RB1CC1: variants seen among roughly 807,000 people sequenced by gnomAD.
The protein encoded by RB1CC1 is RB1 inducible coiled-coil 1, also known as RB1-inducible coiled-coil protein 1.
In RB1CC1, 46 loss-of-function variants were observed where a neutral mutation model predicts 177.5. The ratio of observed to expected loss-of-function variants is 0.26; its 90% CI spans 0.20 to 0.33. The LOEUF is 0.33. Among genes scored for constraint, RB1CC1 ranks in the 10% least tolerant of loss-of-function variants. RB1CC1 has a pLI of 1.00. For missense variants in RB1CC1, 1,703 were observed against 1,816.3 expected, an observed-to-expected ratio of 0.94 and a Z score of 1.13; for synonymous variants, 666 against 613.6, an observed-to-expected ratio of 1.09 and a Z score of -1.26.
chr8:52,683,519 A>T, intron 5 of RB1CC1, 30 bp downstream of exon 5: 1 of 1,506,698 alleles, frequency 6.6e-7, no homozygotes, highest in Non-Finnish European at 8.9e-7. Flanking sequence ...TTTTAGAAAC[A>T]ATCAGTTAAA....
intron 8 of RB1CC1, among the ~76,000 whole-genome samples, chr8:52,663,860 T>C (rs1234251105): frequency 6.6e-6 from 1 of 152,194 alleles, no homozygotes; most frequent in Non-Finnish European, 1.5e-5. Context: ...ATCAGGAATG[T>C]GTGGTAAGAC....
At chr8:52,695,847 C>T (rs779816634) in intron 1 of RB1CC1, among the ~76,000 whole-genome samples, 13 of 152,146 alleles carry the variant, frequency 8.5e-5, no homozygotes, top group Non-Finnish European at 1.8e-4. Context: ...TGCTTTCCTT[C>T]GTTCCCTGAC....
At chr8:52,634,876 C>T (rs377664624) in intron 20 of RB1CC1, 45 bp downstream of exon 20, 19 of 1,437,404 alleles carry the variant, frequency 1.3e-5, no homozygotes, top group Admixed American at 1.3e-4. Flanking sequence ...TAATGCAAAT[C>T]ATTTAAAAAT....
chr8:52,633,883 G>A (rs899293849), intron 20 of RB1CC1, among the ~76,000 whole-genome samples: 1 of 152,162 alleles, frequency 6.6e-6, no homozygotes. Flanking sequence ...AAGCTCAGCA[G>A]TTCGAGACCA....
Position 52,658,041 on chromosome 8 carries a change from T to C in RB1CC1, c.1877A>G (p.Asp626Gly). 6.2e-7 allele frequency: 1 copy of C among 1,614,122 alleles called. No individual in the cohort carries two copies. The highest frequency in any genetic ancestry group is 8.5e-7 in the Non-Finnish European group (1 of 1,180,004). ...HNLVKAAQSL[D>G]EMSQTITDLL... ...ATCTGTAATGGTCTGTGACATTTCA[T>C]CCAAACTTTGTGCTGCTTTTACCAA... Residue 626 changes from aspartate (D) to glycine (G), a missense_variant, in exon 14 of 24, where the codon GAT (aspartate) becomes GGT (glycine). By Grantham distance (94) the Asp-to-Gly change is moderately conservative. Coordinates refer to ENST00000025008, the MANE Select transcript of RB1CC1 (RefSeq NM_014781.5).
intron 1 of RB1CC1, among the ~76,000 whole-genome samples, chr8:52,706,448 C>G (rs1856559017): frequency 6.6e-6 from 1 of 151,238 alleles, no homozygotes; most frequent in African/African-American, 2.4e-5. Context: ...CAGCCTTCAG[C>G]TCGTTGTAGC....
At chr8:52,655,079 T>C (rs898517710) in intron 15 of RB1CC1, among the ~76,000 whole-genome samples, 1 of 152,178 alleles carries the variant, frequency 6.6e-6, no homozygotes, top group Non-Finnish European at 1.5e-5. Context: ...TCTGTTAACC[T>C]TCTCTCATCC....
At chr8:52,695,271 C>G (rs1168528034) in intron 1 of RB1CC1, among the ~76,000 whole-genome samples, 1 of 152,178 alleles carries the variant, frequency 6.6e-6, no homozygotes, top group Non-Finnish European at 1.5e-5. Context: ...TTCCATAAAA[C>G]ATTTATTCCA....
chr8:52,714,260 G>C lies in RB1CC1; in HGVS notation c.-352C>G, dbSNP rs995332315. 7 of 203,852 alleles carry C rather than the reference G, an allele frequency of 3.4e-5. No individual in the cohort carries two copies. Among genetic ancestry groups the C allele is most frequent in the African/African-American group, 1.7e-4 (7 of 41,840 alleles). The allele number at this position is 203,852 out of a possible 1,614,324, so 12.6% of individuals were successfully genotyped here. ...CCCGAACTCTAGGAGGCAGGGAGGG[G>C]TCCGGGCGGACAAGGACGCGAGCAG... On this transcript the variant is annotated 5_prime_UTR_variant, in exon 1 of 24. Coordinates refer to ENST00000025008, the MANE Select transcript of RB1CC1 (RefSeq NM_014781.5).
chr8:52,705,086 A>G (rs933170532), intron 1 of RB1CC1, among the ~76,000 whole-genome samples: 1 of 152,190 alleles, frequency 6.6e-6, no homozygotes, highest in Non-Finnish European at 1.5e-5. Flanking sequence ...CCTACCATAT[A>G]TACTGAGACT....
intron 19 of RB1CC1, among the ~76,000 whole-genome samples, chr8:52,635,651 A>G (rs1849085806): frequency 6.6e-6 from 1 of 152,148 alleles, no homozygotes. Context: ...AGTATTTAAT[A>G]CTTTGTTTTT....
chr8:52,656,097 A>G lies in RB1CC1; in HGVS notation c.3732T>C (p.Thr1244=). ...TCTCCAATTTAAATTCTTTTAGGGC[A>G]GTCTGAATAGCTTCATCTTTTTCAC... is the stretch of plus-strand genomic sequence containing the variant. The part of the protein sequence containing the change: ...LNCEKDEAIQ[T]ALKEFKLERE... Residue 1244 remains threonine, a synonymous_variant, in exon 15 of 24, where the codon ACT becomes ACC. Coordinates refer to ENST00000025008, the MANE Select transcript of RB1CC1 (RefSeq NM_014781.5). 6.2e-7 allele frequency: 1 copy of G among 1,613,666 alleles called. No individual in the cohort carries two copies. Among genetic ancestry groups the G allele is most frequent in the East Asian group, 2.2e-5 (1 of 44,818 alleles).
intron 2 of RB1CC1, chr8:52,686,300 T>C (rs1014556688): frequency 6.6e-6 from 1 of 152,356 alleles, no homozygotes; most frequent in Non-Finnish European, 1.5e-5. Context: ...TCCCAGAACT[T>C]TGGGAGGCCA....
chr8:52,675,872 G>A (rs1435704769), intron 6 of RB1CC1, among the ~76,000 whole-genome samples: 7 of 146,982 alleles, frequency 4.8e-5, no homozygotes, highest in Admixed American at 1.4e-4. Context: ...GGGCAACAGA[G>A]CGAGCCTCCG....
At chr8:52,713,678 C>G (rs1207661452) in intron 1 of RB1CC1, among the ~76,000 whole-genome samples, 1 of 152,228 alleles carries the variant, frequency 6.6e-6, no homozygotes, top group East Asian at 1.9e-4. Flanking sequence ...AGTCAAGATG[C>G]GTCTTGGGAG....
Position 52,668,204 on chromosome 8 carries a change from G to C in RB1CC1, c.1003-13C>G, listed in dbSNP as rs1368222632. On this transcript the variant is annotated splice_polypyrimidine_tract_variant and intron_variant, in intron 7 of 23. Transcript: ENST00000025008. Reference sequence around the variant, plus strand: ...TCCTTGGATCAAGCTAAATGACAAGGAAACACATACGAATACAATTTTCAG... The same window carrying C: ...TCCTTGGATCAAGCTAAATGACAAGCAAACACATACGAATACAATTTTCAG... The C allele has an allele frequency of 6.2e-7, 1 of 1,611,110 alleles. No homozygotes were observed. The highest frequency in any genetic ancestry group is 8.5e-7 in the Non-Finnish European group (1 of 1,178,924).
intron 15 of RB1CC1, among the ~76,000 whole-genome samples, chr8:52,653,222 A>T (rs1850773524): frequency 6.6e-6 from 1 of 152,196 alleles, no homozygotes; most frequent in African/African-American, 2.4e-5. Flanking sequence ...ACAAGCTTAA[A>T]AGGCTCTGTA....
In RB1CC1 at chr8:52,645,551, C is replaced by T. The variant is rs1590953861; in HGVS notation, c.3987+151G>A. ...TAAAAAAAATTCTTAAAAATACACG[C>T]TTTTGTCAAGAGGAAATTTATTAAC... On this transcript the variant is annotated intron_variant, in intron 16 of 23. Transcript: ENST00000025008. 1.9e-5 allele frequency: 16 copies of T among 833,996 alleles called. No individual in the cohort carries two copies. In the East Asian group the frequency reaches 5.1e-4, roughly 27 times the overall value. The allele number at this position is 833,996 out of a possible 1,614,324, so 51.7% of individuals were successfully genotyped here.
At chr8:52,673,670 A>G (rs1158984063) in intron 7 of RB1CC1, among the ~76,000 whole-genome samples, 175 bp downstream of exon 7, 1 of 152,202 alleles carries the variant, frequency 6.6e-6, no homozygotes, top group African/African-American at 2.4e-5. Flanking sequence ...ATTTACAATC[A>G]ATTCATAAAT....
Sources: gnomAD v4.1 joint callset for allele counts (sites outside exome capture counted in the v4.1 genomes callset) on GRCh38, gnomAD v4.1.1 for gene constraint, MANE v1.5 for transcripts, NCBI Gene and HGNC (gene_info 2026-07-23, HGNC 2026-07-21) for gene names.